Variants in MSRB3 observed in about 807,000 individuals in gnomAD.
The protein encoded by MSRB3 is methionine-R-sulfoxide reductase B3.
In MSRB3, 13 loss-of-function variants were observed where a neutral mutation model predicts 21.0. The ratio of observed to expected loss-of-function variants is 0.62; its 90% confidence interval spans 0.40 to 0.98. The LOEUF (loss-of-function observed/expected upper bound fraction) is 0.98. Ranked by LOEUF, MSRB3 falls within the 50% of genes least tolerant of loss-of-function variation. The probability of loss-of-function intolerance (pLI) is 0.00; values close to 1 mark genes in which losing one functional copy is unlikely to be tolerated. For missense variants in MSRB3, 199 were observed against 230.3 expected (o/e 0.86, Z 0.88); for synonymous variants, 87 against 88.6 (o/e 0.98, Z 0.10).
At chr12:65,333,906 T>C (rs1240864522) in intron 4 of MSRB3, among the ~76,000 whole-genome samples, 1 of 152,204 alleles carries the variant, frequency 6.6e-6, no homozygotes, top group African/African-American at 2.4e-5. Context: ...CATGCATATC[T>C]GAACTCTGTT....
rs1883400905 is a variant in MSRB3 at position 65,463,047 on chromosome 12, C to T, written c.391-108C>T. 6 of 1,342,528 alleles carry T rather than the reference C, an allele frequency of 4.5e-6. No homozygotes were observed. In the South Asian group the frequency reaches 5.9e-5, roughly 13 times the overall value. The allele number at this position is 1,342,528 out of a possible 1,614,324, so 83.2% of individuals were successfully genotyped here. On this transcript the variant is annotated intron_variant, in intron 6 of 6. Transcript: ENST00000308259. The stretch of plus-strand genomic sequence containing the variant: ...GATTAGAAATCATCCACGATGGTTT[C>T]CTTCATTTCTCTACAGGCTGGTCAT...
At chr12:65,425,687 T>A (rs1881564095) in intron 5 of MSRB3, among the ~76,000 whole-genome samples, 3 of 152,270 alleles carry the variant, frequency 2.0e-5, no homozygotes, top group East Asian at 3.9e-4. Flanking sequence ...ACAGTTTACA[T>A]CTTTTTTTTT....
At chr12:65,325,335 G>A (rs1308324726) in intron 2 of MSRB3, among the ~76,000 whole-genome samples, 1 of 152,192 alleles carries the variant, frequency 6.6e-6, no homozygotes, top group East Asian at 1.9e-4. Context: ...TGACATGCCT[G>A]CTGTGCCTGT....
chr12:65,463,514 GT>G lies in MSRB3; in HGVS notation c.*195del, dbSNP rs750720124. The stretch of plus-strand genomic sequence containing the variant: ...TTTGCAATTGACTAGATCAAGAACT[GT>G]TTATAGCTTTAGCAAATGGAGACAG... On this transcript the variant is annotated 3_prime_UTR_variant, in exon 7 of 7. Coordinates refer to ENST00000308259, the MANE Select transcript of MSRB3 (RefSeq NM_001031679.3). 9.0e-5 allele frequency: 57 copies of G among 634,310 alleles called. No individual in the cohort carries two copies. The highest frequency in any genetic ancestry group is 6.1e-5 in the Admixed American group (2 of 32,918). 39.3% of individuals were successfully genotyped at this position (634,310 alleles called of 1,614,324 possible).
At chr12:65,324,492 C>T (rs906216556) in intron 2 of MSRB3, among the ~76,000 whole-genome samples, 1 of 152,168 alleles carries the variant, frequency 6.6e-6, no homozygotes, top group Admixed American at 6.5e-5. Flanking sequence ...AAAGTCTCTT[C>T]AATACCCTTC....
intron 5 of MSRB3, among the ~76,000 whole-genome samples, chr12:65,390,903 G>T (rs1209500264): frequency 1.3e-5 from 2 of 152,034 alleles, no homozygotes; most frequent in Admixed American, 6.6e-5. Context: ...AAATATAAAA[G>T]GTATATATAT....
At chr12:65,402,573 C>T (rs920368913) in intron 5 of MSRB3, among the ~76,000 whole-genome samples, 5 of 152,080 alleles carry the variant, frequency 3.3e-5, no homozygotes, top group Non-Finnish European at 7.4e-5. Flanking sequence ...TTCTTTAGCT[C>T]GAGGAGTTTA....
chr12:65,387,801 A>G (rs1879269793), intron 5 of MSRB3, among the ~76,000 whole-genome samples: 1 of 152,190 alleles, frequency 6.6e-6, no homozygotes, highest in Admixed American at 6.5e-5. Flanking sequence ...TGCTGCTGAT[A>G]AGACATAAAG....
rs138645855 is a variant in MSRB3, at chr12:65,404,261, G to T, written c.292+35235G>T. Reference sequence around the variant, plus strand: ...GCTCTGGTTAACTTTTTTAGTGGTTGCCCTGGAGTTTGCAATATACATTTA... The same window carrying T: ...GCTCTGGTTAACTTTTTTAGTGGTTTCCCTGGAGTTTGCAATATACATTTA... On this transcript the variant is annotated intron_variant, in intron 5 of 6. Coordinates refer to ENST00000308259, the MANE Select transcript of MSRB3 (RefSeq NM_001031679.3). Among the ~76,000 whole-genome samples the T allele has an allele frequency of 6.8e-3, 1,030 of 152,292 alleles. 10 individuals carry two copies. Among genetic ancestry groups the T allele is most frequent in the Middle Eastern group, 0.02 (6 of 294 alleles).
chr12:65,430,847 T>C (rs1881842116), intron 5 of MSRB3, among the ~76,000 whole-genome samples: 1 of 152,104 alleles, frequency 6.6e-6, no homozygotes, highest in African/African-American at 2.4e-5. Context: ...CTTAGAATCC[T>C]AGAAGTTAAA....
chr12:65,430,612 G>A (rs941613071), intron 5 of MSRB3, among the ~76,000 whole-genome samples: 4 of 152,044 alleles, frequency 2.6e-5, no homozygotes, highest in Non-Finnish European at 5.9e-5. Flanking sequence ...GAAAATGATC[G>A]CATCTCTAGT....
At chr12:65,422,388 G>GTGTATA (rs1491546273) in intron 5 of MSRB3, among the ~76,000 whole-genome samples, 2 of 92,490 alleles carry the variant, frequency 2.2e-5, no homozygotes, top group Non-Finnish European at 4.2e-5. Context: ...GGAGTACATA[G>GTGTATA]TATATATATA....
At chr12:65,382,605 A>AT (rs1033058164) in intron 5 of MSRB3, among the ~76,000 whole-genome samples, 12 of 151,716 alleles carry the variant, frequency 7.9e-5, no homozygotes, top group African/African-American at 2.7e-4. Flanking sequence ...AATTTATTCA[A>AT]TTTTTTTTCA....
intron 4 of MSRB3, among the ~76,000 whole-genome samples, chr12:65,340,222 C>A (rs1332506614): frequency 2.0e-5 from 3 of 151,960 alleles, no homozygotes; most frequent in African/African-American, 7.3e-5. Context: ...AGTATAAACA[C>A]AACAGATGAA....
At chr12:65,455,903 A>AT (rs1331347349) in intron 6 of MSRB3, among the ~76,000 whole-genome samples, 3 of 151,912 alleles carry the variant, frequency 2.0e-5, no homozygotes, top group East Asian at 3.9e-4. Flanking sequence ...CATCCAGATA[A>AT]TTTTTTGTAT....
At chr12:65,344,463 A>C (rs935097509) in intron 4 of MSRB3, among the ~76,000 whole-genome samples, 1 of 152,028 alleles carries the variant, frequency 6.6e-6, no homozygotes, top group African/African-American at 2.4e-5. Context: ...TTAATAGCTT[A>C]CCAAATGGCC....
chr12:65,331,559 G>A (rs948954783), intron 4 of MSRB3, among the ~76,000 whole-genome samples: 1 of 152,158 alleles, frequency 6.6e-6, no homozygotes, highest in Non-Finnish European at 1.5e-5. Flanking sequence ...TTACCCTCTG[G>A]GATGCTGGGG....
At chr12:65,353,397 A>T (rs1164407338) in intron 4 of MSRB3, among the ~76,000 whole-genome samples, 3 of 152,110 alleles carry the variant, frequency 2.0e-5, no homozygotes, top group Non-Finnish European at 4.4e-5. Flanking sequence ...TGCTTTATGA[A>T]TCTGGGTGCT....
chr12:65,367,572 A>G (rs1368230636), intron 4 of MSRB3, among the ~76,000 whole-genome samples: 3 of 152,222 alleles, frequency 2.0e-5, no homozygotes, highest in Non-Finnish European at 2.9e-5. Context: ...AGGCATGGCT[A>G]TAGTTGAGTG....
Sources: allele counts gnomAD v4.1 joint callset (sites outside exome capture counted in the v4.1 genomes callset), GRCh38; gene constraint gnomAD v4.1.1; transcripts MANE v1.5; gene names NCBI Gene and HGNC (gene_info 2026-07-23, HGNC 2026-07-21).